MAPK10: variants seen among roughly 807,000 people sequenced by gnomAD.
MAPK10 encodes the protein JNK3 alpha protein kinase.
Under a neutral mutation model 59.3 loss-of-function variants are expected in MAPK10, and 25 were observed. The observed-to-expected ratio is 0.42, with a 90% CI of 0.31 to 0.59. The LOEUF (loss-of-function observed/expected upper bound fraction) is 0.59. MAPK10 is among the 20% of genes least tolerant of loss of function. MAPK10 has a pLI of 0.15. For synonymous variants in MAPK10, 190 were observed against 200.5 expected (o/e 0.95, Z 0.44); for missense variants, 351 against 568.9 (o/e 0.62, Z 3.90).
At chr4:86,528,459 T>A (rs1757637028) in intron 1 of MAPK10, among the ~76,000 whole-genome samples, 1 of 152,214 alleles carries the variant, frequency 6.6e-6, no homozygotes, top group Non-Finnish European at 1.5e-5. Flanking sequence ...CACATATAAT[T>A]ATTTTTAAAC....
chr4:86,359,288 C>CTCTCTGTGTGTGTGTG (rs796310826), intron 1 of MAPK10, among the ~76,000 whole-genome samples: 2 of 94,608 alleles, frequency 2.1e-5, no homozygotes, highest in African/African-American at 1.1e-4. Context: ...CTCTCTCTCT[C>CTCTCTGTGTGTGTGTG]TGTGTGTGTG....
chr4:86,500,248 T>C (rs185474094), intron 1 of MAPK10, among the ~76,000 whole-genome samples: 36 of 152,286 alleles, frequency 2.4e-4, no homozygotes, highest in Non-Finnish European at 4.0e-4. Context: ...ACAATAAGAA[T>C]AGTCTGAATC....
intron 1 of MAPK10, chr4:86,399,755 T>C (rs568012514): frequency 6.6e-6 from 1 of 152,316 alleles, no homozygotes; most frequent in South Asian, 2.1e-4. Context: ...ACCACTGAGG[T>C]GGTTCATTAG....
intron 1 of MAPK10, among the ~76,000 whole-genome samples, chr4:86,491,421 C>T (rs536851101): frequency 6.6e-6 from 1 of 152,172 alleles, no homozygotes; most frequent in Admixed American, 6.5e-5. Context: ...CTTTGTTATA[C>T]CCTCATGACC....
intron 1 of MAPK10, among the ~76,000 whole-genome samples, chr4:86,490,517 A>G (rs7681865): frequency 0.028 from 4,312 of 152,300 alleles, 213 homozygotes; most frequent in African/African-American, 0.098. Context: ...CTCTAATTCA[A>G]CTTTTACAAA....
intron 2 of MAPK10, among the ~76,000 whole-genome samples, chr4:86,276,879 C>T (rs2094596640): frequency 6.6e-6 from 1 of 152,128 alleles, no homozygotes; most frequent in African/African-American, 2.4e-5. Context: ...GTTGCAGCAC[C>T]AGGATTTGGA....
intron 1 of MAPK10, among the ~76,000 whole-genome samples, chr4:86,551,609 T>C (rs1759793290): frequency 6.6e-6 from 1 of 151,942 alleles, no homozygotes; most frequent in South Asian, 2.1e-4. Context: ...TCTCTTTCTC[T>C]CTTTCTTTCT....
intron 1 of MAPK10, among the ~76,000 whole-genome samples, chr4:86,367,673 G>GT (rs781358587): frequency 8.9e-4 from 131 of 147,470 alleles, no homozygotes; most frequent in African/African-American, 2.6e-3. Context: ...GTTTTGTTTT[G>GT]TTTTTTTTGG....
chr4:86,494,798 G>A (rs555136577), intron 1 of MAPK10, among the ~76,000 whole-genome samples: 1 of 122,418 alleles, frequency 8.2e-6, no homozygotes, highest in Admixed American at 1.1e-4. Flanking sequence ...AGCTGAGATC[G>A]TGCCACTGCA....
rs1402676083 is a variant in MAPK10, at chr4:86,017,233, T to C, written c.1390A>G (p.Arg464Gly). The C allele has an allele frequency of 6.2e-7, 1 of 1,613,870 alleles. No homozygotes were observed. ...EASAGPLGCC[R>G] is the part of the protein sequence containing the mutation. ...TTTCGCAGGCAGGCGGCTAGTCACC[T>C]GCAACAACCCAGGGGTCCTGCCGAG... Residue 464 changes from arginine (R) to glycine (G), a missense_variant, in exon 14 of 14, where the codon AGG becomes GGG. Arg to Gly is a moderately radical substitution (Grantham distance 125). This residue lies in a region of MAPK10 where 155 missense variants were observed against 204.2 expected (regional missense o/e 0.76). Coordinates refer to ENST00000641462, the MANE Select transcript of MAPK10 (RefSeq NM_138982.4). The surrounding 1 kb of genome is among the most constrained non-coding windows in gnomAD (Gnocchi z 4.4).
intron 1 of MAPK10, among the ~76,000 whole-genome samples, chr4:86,557,754 TA>T (rs1565039355): frequency 6.6e-6 from 1 of 152,064 alleles, no homozygotes; most frequent in Non-Finnish European, 1.5e-5. Flanking sequence ...GTTTTCATAT[TA>T]GTCAGTTAGC....
At chr4:86,398,372 T>G (rs1743252242) in intron 1 of MAPK10, among the ~76,000 whole-genome samples, 1 of 152,142 alleles carries the variant, frequency 6.6e-6, no homozygotes, top group South Asian at 2.1e-4. Flanking sequence ...CTATGCTAGA[T>G]AGTATTATTA....
At chr4:86,031,318 TTC>T in intron 12 of MAPK10, 48 bp downstream of exon 12, 1 of 1,295,124 alleles carries the variant, frequency 7.7e-7, no homozygotes, top group Non-Finnish European at 1.1e-6. Flanking sequence ...TGTTGATACT[TTC>T]TGAGTTCAAT....
At chr4:86,163,389 T>A (rs1034578659) in intron 3 of MAPK10, among the ~76,000 whole-genome samples, 2 of 152,120 alleles carry the variant, frequency 1.3e-5, no homozygotes, top group Non-Finnish European at 2.9e-5. Context: ...AATTTTTTCT[T>A]TATAAAATGT....
chr4:86,178,687 A>G (rs1226724430), intron 3 of MAPK10, among the ~76,000 whole-genome samples: 1 of 152,158 alleles, frequency 6.6e-6, no homozygotes, highest in Non-Finnish European at 1.5e-5. Flanking sequence ...GGTCAAAGCA[A>G]TTAGACATTA....
chr4:86,095,040 TAAG>T (rs2053974855), intron 9 of MAPK10: 1 of 151,888 alleles, frequency 6.6e-6, no homozygotes, highest in South Asian at 2.1e-4. Flanking sequence ...TATGCATAAT[TAAG>T]AAACACTTTA....
rs187491521 is a variant in MAPK10, at chr4:86,050,832, A to G, written c.1110+13434T>C. ...TACTATGAAAACAGCATTCTGGCAT[A>G]TATGTCCTGAAAGAAAGTCACCAAA... On this transcript the variant is annotated intron_variant, in intron 11 of 13. Coordinates refer to ENST00000641462, the MANE Select transcript of MAPK10 (RefSeq NM_138982.4). 5.3e-5 allele frequency among the ~76,000 whole-genome samples: 8 copies of G among 152,282 alleles called. No individual in the cohort carries two copies. In the East Asian group the frequency reaches 1.5e-3, roughly 29 times the overall value.
intron 4 of MAPK10, among the ~76,000 whole-genome samples, chr4:86,157,261 T>C (rs1017475808): frequency 1.3e-5 from 2 of 151,984 alleles, no homozygotes; most frequent in Admixed American, 1.3e-4. Context: ...ATGGAGATTC[T>C]ATGACATAAT....
chr4:86,211,030 T>G (rs1402664346), intron 2 of MAPK10, among the ~76,000 whole-genome samples: 1 of 142,878 alleles, frequency 7.0e-6, no homozygotes, highest in African/African-American at 2.5e-5. Context: ...ATAAAAATTA[T>G]TAATTATGAA....
Sources: allele counts gnomAD v4.1 joint callset (sites outside exome capture counted in the v4.1 genomes callset), GRCh38; gene constraint gnomAD v4.1.1; regional missense constraint gnomAD v4.1.1; non-coding constraint Gnocchi (gnomAD v3.1); transcripts MANE v1.5; gene names NCBI Gene and HGNC (gene_info 2026-07-23, HGNC 2026-07-21).